Variants in GPBP1 observed in about 807,000 individuals in gnomAD.
The protein encoded by GPBP1 is GC-rich promoter binding protein 1, also known as vasculin.
In GPBP1, 13 loss-of-function variants were observed where a neutral mutation model predicts 56.5. That is an observed-to-expected ratio of 0.23 (90% CI 0.15 to 0.37). The LOEUF is 0.37. Ranked by LOEUF, GPBP1 falls within the 10% of genes least tolerant of loss-of-function variation. The pLI is 1.00. For missense variants in GPBP1, 477 were observed against 572.3 expected (o/e 0.83, Z 1.70); for synonymous variants, 204 against 188.9 (o/e 1.08, Z -0.66).
At chr5:57,248,933 A>T (rs555507489) in intron 8 of GPBP1, 2 of 152,594 alleles carry the variant, frequency 1.3e-5, no homozygotes, top group African/African-American at 4.8e-5. Flanking sequence ...ACACCAAAGA[A>T]CCAAAAACAA....
chr5:57,174,416 G>C (rs757130517), intron 1 of GPBP1, among the ~76,000 whole-genome samples: 9 of 152,044 alleles, frequency 5.9e-5, no homozygotes, highest in Non-Finnish European at 7.4e-5. Context: ...CCCGGGTGGA[G>C]CGGAGGTGGT....
chr5:57,182,543 T>G (rs1754100628), intron 2 of GPBP1, among the ~76,000 whole-genome samples: 1 of 151,178 alleles, frequency 6.6e-6, no homozygotes, highest in Non-Finnish European at 1.5e-5. Context: ...TAGCTAATTT[T>G]TGTATTTTTA....
chr5:57,192,901 A>G (rs922235892), intron 2 of GPBP1, among the ~76,000 whole-genome samples: 5 of 152,144 alleles, frequency 3.3e-5, no homozygotes, highest in East Asian at 1.9e-4. Context: ...TTCAGCTACT[A>G]TTTGACCTTG....
intron 5 of GPBP1, among the ~76,000 whole-genome samples, chr5:57,233,112 A>G (rs1756528156): frequency 6.6e-6 from 1 of 152,210 alleles, no homozygotes. Context: ...TCTTGAACGG[A>G]TTATAGCAAA....
chr5:57,261,238 T>C lies in GPBP1; in HGVS notation c.1219T>C (p.Leu407=). ...TGAAAATGATGAAACATGTGCTCCC[T>C]TAACTGAGGATGAAATGAGAGAATT... The part of the protein sequence containing the change: ...DSENDETCAP[L]TEDEMREFQV... Residue 407 remains leucine, a synonymous_variant, in exon 11 of 12, where the codon TTA becomes CTA. Transcript: ENST00000506184. 6.2e-7 allele frequency: 1 copy of C among 1,612,848 alleles called. No individual in the cohort carries two copies. The highest frequency in any genetic ancestry group is 2.2e-5 in the East Asian group (1 of 44,832).
rs1043208499 is a variant in GPBP1, at chr5:57,249,461, G to C, written c.857G>C (p.Arg286Pro). The C allele has an allele frequency of 6.2e-7, 1 of 1,611,014 alleles. No individual in the cohort carries two copies. The highest frequency in any genetic ancestry group is 8.5e-7 in the Non-Finnish European group (1 of 1,178,832). ...GTTGACAAACTTAATCAGCAGCCTC[G>C]TCTAACCAAACTGACACGAATGCGC... Reference protein sequence around the residue: ...SPVDKLNQQPRLTKLTRMRTD... With the variant: ...SPVDKLNQQPPLTKLTRMRTD... The change falls in exon 9 of 12, where the codon CGT becomes CCT. Residue 286 changes from arginine (R) to proline (P), a missense_variant. By Grantham distance (103) the Arg-to-Pro change is moderately radical. Transcript: ENST00000506184.
At chr5:57,188,267 A>G (rs1365350361) in intron 2 of GPBP1, among the ~76,000 whole-genome samples, 1 of 151,832 alleles carries the variant, frequency 6.6e-6, no homozygotes, top group Non-Finnish European at 1.5e-5. Flanking sequence ...TGGTTGAAGC[A>G]CATGCATTCC....
At chr5:57,190,965 G>T (rs1006082537) in intron 2 of GPBP1, among the ~76,000 whole-genome samples, 1 of 151,970 alleles carries the variant, frequency 6.6e-6, no homozygotes, top group African/African-American at 2.4e-5. Context: ...AAAACATGTT[G>T]TCTTGAACTC....
At chr5:57,204,649 C>G (rs770007508) in intron 2 of GPBP1, among the ~76,000 whole-genome samples, 3 of 152,128 alleles carry the variant, frequency 2.0e-5, no homozygotes, top group South Asian at 2.1e-4. Flanking sequence ...TGGCTTTTCT[C>G]TTGTTTAGAT....
At chr5:57,215,878 AG>A (rs1238945872) in intron 3 of GPBP1, among the ~76,000 whole-genome samples, 1 of 151,210 alleles carries the variant, frequency 6.6e-6, no homozygotes, top group Non-Finnish European at 1.5e-5. Flanking sequence ...CATGGAGAGG[AG>A]CCTCTTATTT....
At chr5:57,230,792 T>C (rs561545812) in intron 3 of GPBP1, 54 bp from the exon 4 acceptor site, 1 of 1,488,476 alleles carries the variant, frequency 6.7e-7, no homozygotes, top group African/African-American at 1.4e-5. Flanking sequence ...ATTACTAGTT[T>C]TTAAAGTTAT....
chr5:57,210,760 G>A (rs893906300), intron 2 of GPBP1, among the ~76,000 whole-genome samples: 8 of 152,160 alleles, frequency 5.3e-5, no homozygotes, highest in Non-Finnish European at 8.8e-5. Context: ...CATCAGCAGA[G>A]GGTTGGTTGC....
intron 10 of GPBP1, among the ~76,000 whole-genome samples, chr5:57,253,196 A>G (rs553842858): frequency 2.0e-5 from 3 of 152,228 alleles, no homozygotes; most frequent in Non-Finnish European, 4.4e-5. Context: ...GTATTCCTTA[A>G]ATAACCACAT....
intron 3 of GPBP1, among the ~76,000 whole-genome samples, chr5:57,224,652 T>C (rs1030403024): frequency 6.6e-6 from 1 of 152,088 alleles, no homozygotes; most frequent in Non-Finnish European, 1.5e-5. Context: ...TTGCCAAGGC[T>C]GGTCTTGAAC....
chr5:57,192,678 G>A (rs569844712), intron 2 of GPBP1, among the ~76,000 whole-genome samples: 5 of 150,860 alleles, frequency 3.3e-5, no homozygotes, highest in African/African-American at 1.2e-4. Context: ...GCTTGAACCT[G>A]GGAGGCGGAG....
intron 3 of GPBP1, among the ~76,000 whole-genome samples, chr5:57,219,070 A>G (rs908298837): frequency 3.9e-5 from 6 of 152,074 alleles, no homozygotes; most frequent in African/African-American, 1.4e-4. Context: ...GTAAAAATTC[A>G]TAGACTGTAA....
intron 2 of GPBP1, among the ~76,000 whole-genome samples, chr5:57,177,972 G>T (rs575747738): frequency 1.3e-4 from 20 of 152,054 alleles, no homozygotes; most frequent in African/African-American, 4.3e-4. Context: ...ATTGATATTA[G>T]AGAGTTCAGT....
At chr5:57,246,153 T>A in intron 6 of GPBP1, 147 bp from the exon 7 acceptor site, 1 of 549,052 alleles carries the variant, frequency 1.8e-6, no homozygotes. Flanking sequence ...ATATAGTTTG[T>A]ACTTTTTTAG....
chr5:57,176,237 T>G lies in GPBP1; in HGVS notation c.-221T>G. On this transcript the variant is annotated 5_prime_UTR_variant, in exon 2 of 12. Coordinates refer to ENST00000506184, the MANE Select transcript of GPBP1 (RefSeq NM_022913.4). ...CCATATGAAAACTTTAAAACAGAAG[T>G]ATGGGTAGCTGACTTGAAGTAACTC... 1 of 382,182 alleles carries G rather than the reference T, an allele frequency of 2.6e-6. No homozygotes were observed. The highest frequency in any genetic ancestry group is 1.5e-4 in the South Asian group (1 of 6,868). 23.7% of individuals were successfully genotyped at this position (382,182 alleles called of 1,614,324 possible). A position where few individuals can be genotyped will look rare whatever the true frequency, so the allele number is the denominator to read the frequency against.
Sources: gnomAD v4.1 joint callset for allele counts (sites outside exome capture counted in the v4.1 genomes callset) on GRCh38, gnomAD v4.1.1 for gene constraint, MANE v1.5 for transcripts, NCBI Gene and HGNC (gene_info 2026-07-23, HGNC 2026-07-21) for gene names.